TP63: variants seen among roughly 807,000 people sequenced by gnomAD.
TP63 encodes the protein tumor protein 63.
In TP63, 17 loss-of-function variants were observed where a neutral mutation model predicts 82.8. That is an observed-to-expected ratio of 0.21 (90% CI 0.14 to 0.31). The LOEUF (loss-of-function observed/expected upper bound fraction) is 0.31. Among genes scored for constraint, TP63 ranks in the 10% least tolerant of loss-of-function variants. The pLI is 1.00. For synonymous variants in TP63, 330 were observed against 321.7 expected, an observed-to-expected ratio of 1.03 and a Z score of -0.28; for missense variants, 648 against 895.3, an observed-to-expected ratio of 0.72 and a Z score of 3.52.
In TP63 at chr3:189,791,010, C is replaced by T. The variant is rs116006134; in HGVS notation, c.325-17262C>T. On this transcript the variant is annotated intron_variant, in intron 3 of 13. Transcript: ENST00000264731. ...AGGAAGTGCCTATTTTTCTTTAAAACATTCAAGCAGGCTTGCTTGTCCTCA... is the reference window on the plus strand; with the variant it reads ...AGGAAGTGCCTATTTTTCTTTAAAATATTCAAGCAGGCTTGCTTGTCCTCA... Among the ~76,000 whole-genome samples the T allele has an allele frequency of 4.1e-3, 630 of 152,204 alleles. 1 individual carries two copies. Among genetic ancestry groups the T allele is most frequent in the African/African-American group, 0.015 (608 of 41,546 alleles).
At chr3:189,664,875 C>A (rs577499336) in intron 1 of TP63, among the ~76,000 whole-genome samples, 1 of 152,222 alleles carries the variant, frequency 6.6e-6, no homozygotes, top group African/African-American at 2.4e-5. Flanking sequence ...CAGAAGAGAT[C>A]TAGCTGGTGG....
intron 10 of TP63, among the ~76,000 whole-genome samples, chr3:189,878,082 T>A (rs1167894996): frequency 1.3e-5 from 2 of 152,186 alleles, no homozygotes. Flanking sequence ...AAGTCCTGTA[T>A]CTTTAAACTT....
rs201181869 is a variant in TP63, at chr3:189,672,652, GGAAGGAAGGAAA to G, written c.62+41087_62+41098del. Among the ~76,000 whole-genome samples, 1,137 of 120,196 alleles carry G rather than the reference GGAAGGAAGGAAA, an allele frequency of 9.5e-3. 12 individuals carry two copies. Among genetic ancestry groups the G allele is most frequent in the Middle Eastern group, 0.021 (5 of 238 alleles). 78.9% of individuals were successfully genotyped at this position (120,196 alleles called of 152,430 possible). A position where few individuals can be genotyped will look rare whatever the true frequency, so the allele number is the denominator to read the frequency against. On this transcript the variant is annotated intron_variant, in intron 1 of 13. Coordinates refer to ENST00000264731, the MANE Select transcript of TP63 (RefSeq NM_003722.5). The stretch of plus-strand genomic sequence containing the variant: ...AGGAAGGAAGGGAGGGAGGGAGGGA[GGAAGGAAGGAAA>G]GAAGGAAGGAAGGAAGGAAGGAAGG...
intron 1 of TP63, among the ~76,000 whole-genome samples, chr3:189,729,167 G>T (rs950576897): frequency 6.6e-6 from 1 of 152,140 alleles, no homozygotes; most frequent in Non-Finnish European, 1.5e-5. Flanking sequence ...TGAGTGAAGG[G>T]CATTGTATTC....
At chr3:189,656,958 G>A (rs1455817278) in intron 1 of TP63, among the ~76,000 whole-genome samples, 11 of 115,596 alleles carry the variant, frequency 9.5e-5, no homozygotes, top group Non-Finnish European at 1.8e-4. Flanking sequence ...AAACTGCAGT[G>A]CATCCCATTC....
At chr3:189,841,305 T>C (rs914354508) in intron 4 of TP63, among the ~76,000 whole-genome samples, 1 of 152,234 alleles carries the variant, frequency 6.6e-6, no homozygotes, top group Non-Finnish European at 1.5e-5. Flanking sequence ...GTGACTTTCT[T>C]ATAGAGTTAG....
intron 3 of TP63, among the ~76,000 whole-genome samples, chr3:189,778,415 T>C (rs1723984465): frequency 6.6e-6 from 1 of 152,226 alleles, no homozygotes. Context: ...TTTTATTGTC[T>C]TGATTCCCTG....
At chr3:189,815,409 G>C (rs911489755) in intron 4 of TP63, among the ~76,000 whole-genome samples, 3 of 151,992 alleles carry the variant, frequency 2.0e-5, no homozygotes, top group Non-Finnish European at 4.4e-5. Context: ...CAGAAACTGT[G>C]GCAAAAGAGC....
At chr3:189,813,736 A>G (rs2108652444) in intron 4 of TP63, among the ~76,000 whole-genome samples, 1 of 152,222 alleles carries the variant, frequency 6.6e-6, no homozygotes, top group African/African-American at 2.4e-5. Flanking sequence ...AGACTCCCTG[A>G]TCTAGTGCCC....
Position 189,895,953 on chromosome 3 carries a change from A to G in TP63, c.*1451A>G, listed in dbSNP as rs1721434233. ...CGTCCATCTCCCTTAGGGACTACCC[A>G]TAGACATGAAAGGTCCCCACAGAGC... On this transcript the variant is annotated 3_prime_UTR_variant, in exon 14 of 14. Coordinates refer to ENST00000264731, the MANE Select transcript of TP63 (RefSeq NM_003722.5). The G allele has an allele frequency of 4.4e-6, 1 of 229,444 alleles. No individual in the cohort carries two copies. Among genetic ancestry groups the G allele is most frequent in the East Asian group, 6.2e-5 (1 of 16,092 alleles). 14.2% of individuals were successfully genotyped at this position (229,444 alleles called of 1,614,324 possible).
intron 4 of TP63, among the ~76,000 whole-genome samples, chr3:189,816,394 G>A (rs183311985): frequency 2.0e-5 from 3 of 152,188 alleles, no homozygotes; most frequent in East Asian, 1.9e-4. Context: ...TCTCCTGTTC[G>A]CATTCCCCAA....
intron 8 of TP63, 142 bp from the exon 9 acceptor site, chr3:189,869,182 T>C (rs1718101720): frequency 2.8e-6 from 2 of 705,382 alleles, no homozygotes; most frequent in African/African-American, 3.6e-5. Context: ...CCTCTAATCT[T>C]ACATGTGTTG....
At chr3:189,761,094 T>A (rs907844661) in intron 3 of TP63, among the ~76,000 whole-genome samples, 2 of 152,140 alleles carry the variant, frequency 1.3e-5, no homozygotes, top group African/African-American at 4.8e-5. Flanking sequence ...TCCAGGCCTG[T>A]GATGGGAGAG....
intron 1 of TP63, among the ~76,000 whole-genome samples, chr3:189,674,259 T>C (rs1009035431): frequency 6.6e-6 from 1 of 152,114 alleles, no homozygotes; most frequent in Non-Finnish European, 1.5e-5. Flanking sequence ...GGACTTCTTA[T>C]TGGGACCTAT....
chr3:189,619,974 A>C, the TP63 span, among the ~76,000 whole-genome samples: 1 of 152,212 alleles, frequency 6.6e-6, no homozygotes, highest in African/African-American at 2.4e-5. Context: ...TACTCAAAGA[A>C]GCAGAGCTAA....
intron 1 of TP63, among the ~76,000 whole-genome samples, chr3:189,706,256 ATTTTATT>A (rs1718186862): frequency 1.3e-5 from 2 of 151,892 alleles, no homozygotes; most frequent in Admixed American, 1.3e-4. Context: ...TTTTTATTTT[ATTTTATT>A]TTTTATTTTT....
chr3:189,753,503 A>AT (rs1177053493), intron 3 of TP63, among the ~76,000 whole-genome samples: 1 of 151,798 alleles, frequency 6.6e-6, no homozygotes, highest in African/African-American at 2.4e-5. Flanking sequence ...TGCAAGGCAA[A>AT]TTTTTTCTCC....
intron 1 of TP63, among the ~76,000 whole-genome samples, chr3:189,657,557 C>A (rs756795457): frequency 6.6e-6 from 1 of 151,918 alleles, no homozygotes; most frequent in Non-Finnish European, 1.5e-5. Context: ...TGTGGAGATA[C>A]AATTTAACAA....
At chr3:189,750,404 T>G (rs777807784) in intron 3 of TP63, among the ~76,000 whole-genome samples, 18 of 152,148 alleles carry the variant, frequency 1.2e-4, no homozygotes, top group Middle Eastern at 3.2e-3. Context: ...TAATGTTGAA[T>G]AGCAGAATAG....
Sources: allele counts gnomAD v4.1 joint callset (sites outside exome capture counted in the v4.1 genomes callset), GRCh38; gene constraint gnomAD v4.1.1; transcripts MANE v1.5; gene names NCBI Gene and HGNC (gene_info 2026-07-23, HGNC 2026-07-21).